Variants in HFM1 observed in about 807,000 individuals in gnomAD.
HFM1 encodes probable ATP-dependent DNA helicase HFM1.
HFM1 carries 169 observed loss-of-function variants against 192.1 expected under a neutral mutation model. That is an observed-to-expected ratio of 0.88 (90% confidence interval 0.78 to 1.00). The LOEUF is 1.00. Among genes scored for constraint, HFM1 ranks in the 50% least tolerant of loss-of-function variants. The probability of loss-of-function intolerance (pLI) is 0.00; values close to 1 mark genes in which losing one functional copy is unlikely to be tolerated. For synonymous variants in HFM1, 525 were observed against 537.8 expected, an observed-to-expected ratio of 0.98 and a Z score of 0.33; for missense variants, 1,661 against 1,668.0, an observed-to-expected ratio of 1.00 and a Z score of 0.07.
intron 13 of HFM1, among the ~76,000 whole-genome samples, chr1:91,369,551 C>T (rs1452163736): frequency 6.6e-6 from 1 of 152,094 alleles, no homozygotes; most frequent in Admixed American, 6.6e-5. Flanking sequence ...CCAATGAGAA[C>T]AAAGACACAA....
intron 13 of HFM1, among the ~76,000 whole-genome samples, chr1:91,365,157 A>G (rs976298362): frequency 9.9e-5 from 15 of 152,150 alleles, no homozygotes; most frequent in Non-Finnish European, 5.9e-5. Flanking sequence ...AGTCAACTAT[A>G]CAGAGATAGA....
chr1:91,388,907 G>A (rs569229625), intron 4 of HFM1, among the ~76,000 whole-genome samples: 5 of 152,288 alleles, frequency 3.3e-5, no homozygotes, highest in Non-Finnish European at 7.4e-5. Context: ...ATAAGAGACT[G>A]TTATTGGGAA....
chr1:91,295,491 G>C (rs559411347), intron 30 of HFM1, among the ~76,000 whole-genome samples: 78 of 152,168 alleles, frequency 5.1e-4, no homozygotes, highest in Non-Finnish European at 9.7e-4. Context: ...CTTCTTATAA[G>C]AACACCAGGC....
At chr1:91,324,881 T>A (rs1652655210) in intron 20 of HFM1, 115 bp from the exon 21 acceptor site, 1 of 687,166 alleles carries the variant, frequency 1.5e-6, no homozygotes, top group Admixed American at 2.6e-5. Context: ...AACAGAAGCC[T>A]AGACCATTGG....
chr1:91,353,657 A>C (rs1313449370), intron 13 of HFM1, among the ~76,000 whole-genome samples: 7 of 150,514 alleles, frequency 4.7e-5, no homozygotes, highest in African/African-American at 1.7e-4. Context: ...ATAAGCAAAA[A>C]AAAAAAAAAA....
intron 30 of HFM1, among the ~76,000 whole-genome samples, chr1:91,290,684 C>T (rs564094731): frequency 2.8e-4 from 43 of 152,268 alleles, no homozygotes; most frequent in African/African-American, 9.9e-4. Flanking sequence ...TTGAACTCAG[C>T]TCTGCACCAA....
rs1372205773 is a variant in HFM1, at chr1:91,262,482, A to T, written c.4085T>A (p.Ile1362Asn). The T allele has an allele frequency of 6.3e-7, 1 of 1,588,036 alleles. No homozygotes were observed. The highest frequency in any genetic ancestry group is 8.6e-7 in the Non-Finnish European group (1 of 1,159,300). ...KLPQQAGNAV[I>N]VHFQERKPQN... The stretch of plus-strand genomic sequence containing the variant: ...AAACAAAGAAGTGCTTCTTCTTACA[A>T]TAACTGCATTTCCGGCTTGTTGAGG... Residue 1362 changes from isoleucine to asparagine, a missense_variant and splice_region_variant, in exon 37 of 39, where the codon ATT becomes AAT. Physicochemically the swap from Ile to Asn is moderately radical, Grantham distance 149. Transcript: ENST00000370425.
intron 8 of HFM1, among the ~76,000 whole-genome samples, 193 bp from the exon 9 acceptor site, chr1:91,379,407 GGAA>G (rs972268098): frequency 1.4e-4 from 21 of 151,948 alleles, no homozygotes; most frequent in Admixed American, 6.6e-5. Flanking sequence ...GGGCCACACT[GGAA>G]GAAGAACTGT....
intron 20 of HFM1, among the ~76,000 whole-genome samples, chr1:91,342,142 A>AC (rs1557878704): frequency 5.6e-5 from 6 of 106,270 alleles, no homozygotes; most frequent in Non-Finnish European, 1.1e-4. Flanking sequence ...TGAAAAAAAA[A>AC]AAAAAAAAAT....
In HFM1 at chr1:91,323,804, G is replaced by A. The variant is rs563251999; in HGVS notation, c.2428-605C>T. 2.6e-5 allele frequency among the ~76,000 whole-genome samples: 4 copies of A among 152,080 alleles called. No homozygotes were observed. The East Asian group carries it at 5.8e-4, about 22-fold the overall frequency. On this transcript the variant is annotated intron_variant, in intron 21 of 38. Coordinates refer to ENST00000370425, the MANE Select transcript of HFM1 (RefSeq NM_001017975.6). ...GTTAATGTTAATAGTGGGTGTTTTC[G>A]ACTCTTGATTTCTCCTTAGTTAAGA... is the stretch of plus-strand genomic sequence containing the variant.
intron 36 of HFM1, 121 bp from the exon 37 acceptor site, chr1:91,262,713 T>C: frequency 1.6e-6 from 1 of 616,840 alleles, no homozygotes. Flanking sequence ...AAAAATGTAA[T>C]GCATTGTTTC....
Position 91,316,366 on chromosome 1 carries a change from A to G in HFM1, c.2898+25T>C, listed in dbSNP as rs372471685. The G allele has an allele frequency of 1.6e-4, 207 of 1,309,248 alleles. 5 individuals carry two copies. Among genetic ancestry groups the G allele is most frequent in the South Asian group, 1.1e-3 (80 of 76,134 alleles). The allele number at this position is 1,309,248 out of a possible 1,614,324, so 81.1% of individuals were successfully genotyped here. On this transcript the variant is annotated intron_variant, in intron 26 of 38. Transcript: ENST00000370425. ...AGGTAGGCCTCAGAATTTAGATGGA[A>G]TTAGGAATAAGTGAATATAACTACC...
upstream of HFM1, among the ~76,000 whole-genome samples, chr1:91,406,267 G>A (rs1664807981): frequency 1.3e-5 from 2 of 152,218 alleles, no homozygotes; most frequent in Admixed American, 6.5e-5. Flanking sequence ...AAGCCACCCA[G>A]CCTATGGTAA....
At chr1:91,382,281 C>G (rs1283377240) in intron 6 of HFM1, among the ~76,000 whole-genome samples, 1 of 152,110 alleles carries the variant, frequency 6.6e-6, no homozygotes, top group African/African-American at 2.4e-5. Flanking sequence ...CCCGCTTACC[C>G]TGCTCTACTT....
intron 36 of HFM1, among the ~76,000 whole-genome samples, chr1:91,264,361 A>T (rs77613964): frequency 0.02 from 1,118 of 56,600 alleles, 11 homozygotes; most frequent in East Asian, 0.069. Flanking sequence ...CAAATTTAGT[A>T]TTTTTTTTTT....
intron 13 of HFM1, among the ~76,000 whole-genome samples, chr1:91,357,747 A>G (rs1657941481): frequency 6.6e-6 from 1 of 152,234 alleles, no homozygotes; most frequent in Non-Finnish European, 1.5e-5. Flanking sequence ...ATAATTCAGT[A>G]AAGTTGCAGG....
At chr1:91,357,524 C>T (rs1212026882) in intron 13 of HFM1, among the ~76,000 whole-genome samples, 2 of 152,074 alleles carry the variant, frequency 1.3e-5, no homozygotes, top group Non-Finnish European at 2.9e-5. Context: ...CAACTGAAAG[C>T]TTTTCCACCA....
Position 91,324,744 on chromosome 1 carries a change from C to G in HFM1, c.2358G>C (p.Trp786Cys). 6.4e-7 allele frequency: 1 copy of G among 1,571,066 alleles called. No individual in the cohort carries two copies. The highest frequency in any genetic ancestry group is 8.8e-7 in the Non-Finnish European group (1 of 1,141,372). The change falls in exon 21 of 39, where the codon TGG becomes TGC. Residue 786 changes from tryptophan (W) to cysteine (C), a missense_variant. Physicochemically the swap from Trp to Cys is radical, Grantham distance 215 (BLOSUM62 -2). Coordinates refer to ENST00000370425, the MANE Select transcript of HFM1 (RefSeq NM_001017975.6). ...KPTEAGRLMA[W>C]YYITFETVKK... ...TCACTGTCTCAAATGTAATATAATACCAAGCCATCAATCTTCCTGCTTCTG... is the reference window on the plus strand; with the variant it reads ...TCACTGTCTCAAATGTAATATAATAGCAAGCCATCAATCTTCCTGCTTCTG...
intron 23 of HFM1, among the ~76,000 whole-genome samples, chr1:91,321,369 G>A (rs1014014960): frequency 3.9e-5 from 6 of 152,094 alleles, no homozygotes; most frequent in Non-Finnish European, 7.4e-5. Flanking sequence ...GCTTGAGCCC[G>A]GGAGGCAGAG....
Sources: gnomAD v4.1 joint callset for allele counts (sites outside exome capture counted in the v4.1 genomes callset) on GRCh38, gnomAD v4.1.1 for gene constraint, MANE v1.5 for transcripts, NCBI Gene and HGNC (gene_info 2026-07-23, HGNC 2026-07-21) for gene names.